Variants in DTNA observed in about 807,000 individuals in gnomAD.
DTNA encodes dystrophin-related protein 3.
DTNA carries 43 observed loss-of-function variants against 100.7 expected under a neutral mutation model. The observed-to-expected ratio is 0.43, with a 90% CI of 0.33 to 0.55. DTNA has a LOEUF of 0.55. Among genes scored for constraint, DTNA ranks in the 20% least tolerant of loss-of-function variants. The probability of loss-of-function intolerance (pLI) is 0.04; values close to 1 mark genes in which losing one functional copy is unlikely to be tolerated. For synonymous variants in DTNA, 349 were observed against 347.9 expected (o/e 1.00, Z -0.04); for missense variants, 798 against 953.9 (o/e 0.84, Z 2.15).
At chr18:34,812,342 A>G (rs761425854) in intron 6 of DTNA, among the ~76,000 whole-genome samples, 6 of 152,112 alleles carry the variant, frequency 3.9e-5, no homozygotes, top group African/African-American at 1.4e-4. Context: ...ACTGTGCTAA[A>G]TTTTTTCCTT....
At chr18:34,809,189 G>T (rs560607923) in intron 5 of DTNA, among the ~76,000 whole-genome samples, 2 of 152,308 alleles carry the variant, frequency 1.3e-5, no homozygotes, top group Admixed American at 1.3e-4. Context: ...GCGAATGTGG[G>T]CAAATTTACC....
At chr18:34,607,563 GACT>G (rs1041602315) in intron 1 of DTNA, among the ~76,000 whole-genome samples, 1 of 152,074 alleles carries the variant, frequency 6.6e-6, no homozygotes, top group Non-Finnish European at 1.5e-5. Flanking sequence ...ATAAAAAATG[GACT>G]ACATTTTATG....
At chr18:34,832,525 A>T (rs1454431924) in intron 11 of DTNA, among the ~76,000 whole-genome samples, 1 of 152,178 alleles carries the variant, frequency 6.6e-6, no homozygotes, top group East Asian at 1.9e-4. Context: ...AAACTTTCCT[A>T]GAGGCTCTCC....
At chr18:34,639,991 C>T (rs558549949) in intron 1 of DTNA, among the ~76,000 whole-genome samples, 2 of 152,138 alleles carry the variant, frequency 1.3e-5, no homozygotes, top group East Asian at 3.9e-4. Flanking sequence ...TTCGCCTAGC[C>T]CAGTGAATAC....
chr18:34,513,265 A>G (rs1170518328), intron 1 of DTNA, among the ~76,000 whole-genome samples: 3 of 152,140 alleles, frequency 2.0e-5, no homozygotes, highest in Admixed American at 2.0e-4. Flanking sequence ...ACAAGCAGAA[A>G]GCTTAATTAA....
At chr18:34,776,037 A>G (rs555412513) in intron 3 of DTNA, among the ~76,000 whole-genome samples, 48 of 152,350 alleles carry the variant, frequency 3.2e-4, no homozygotes, top group Non-Finnish European at 3.1e-4. Flanking sequence ...ACTGGGACAT[A>G]TACTTTGTAT....
At chr18:34,808,982 G>C (rs978030610) in intron 5 of DTNA, among the ~76,000 whole-genome samples, 1 of 152,200 alleles carries the variant, frequency 6.6e-6, no homozygotes, top group African/African-American at 2.4e-5. Flanking sequence ...TGACTGAGGA[G>C]TCACTCTTTG....
rs759851089 is a variant in DTNA, at chr18:34,756,101, G to A, written c.67+58G>A. 3.5e-5 allele frequency: 53 copies of A among 1,530,358 alleles called. 1 individual carries two copies. In the Middle Eastern group the frequency reaches 1.4e-3, roughly 39 times the overall value. The allele number at this position is 1,530,358 out of a possible 1,614,324, so 94.8% of individuals were successfully genotyped here. ...GTTTCCATTGAATACTCATGGAAAG[G>A]CTAGAAATAACCATTTATCTTTATG... On this transcript the variant is annotated intron_variant, in intron 2 of 22. Coordinates refer to ENST00000444659, the MANE Select transcript of DTNA (RefSeq NM_001386795.1).
intron 1 of DTNA, among the ~76,000 whole-genome samples, chr18:34,742,921 G>A (rs377757312): frequency 2.6e-4 from 39 of 151,926 alleles, no homozygotes; most frequent in East Asian, 1.2e-3. Flanking sequence ...CTGCCTCACC[G>A]GGACAATGCA....
intron 1 of DTNA, among the ~76,000 whole-genome samples, chr18:34,753,938 G>T (rs1040516555): frequency 6.6e-6 from 1 of 152,116 alleles, no homozygotes. Flanking sequence ...CTTTACCTGC[G>T]TATATGAAAT....
At chr18:34,529,997 AGATAT>A (rs1245045731) in intron 1 of DTNA, among the ~76,000 whole-genome samples, 1 of 152,182 alleles carries the variant, frequency 6.6e-6, no homozygotes, top group Non-Finnish European at 1.5e-5. Context: ...TTGAATACAT[AGATAT>A]GATAGTGTGT....
At chr18:34,508,803 C>G (rs2040749066) in intron 1 of DTNA, among the ~76,000 whole-genome samples, 1 of 152,148 alleles carries the variant, frequency 6.6e-6, no homozygotes, top group Non-Finnish European at 1.5e-5. Context: ...TCACATTTTA[C>G]TGTGTATAAT....
intron 5 of DTNA, 96 bp from the exon 6 acceptor site, chr18:34,811,863 T>A: frequency 7.1e-7 from 1 of 1,408,046 alleles, no homozygotes; most frequent in Non-Finnish European, 9.9e-7. Context: ...AAATGTTTAT[T>A]TTGCTACTTT....
intron 3 of DTNA, among the ~76,000 whole-genome samples, chr18:34,791,440 C>G (rs905717143): frequency 3.3e-5 from 5 of 152,106 alleles, no homozygotes; most frequent in African/African-American, 1.2e-4. Context: ...TGACTAGATC[C>G]AGAAGATTCA....
chr18:34,785,509 T>C lies in DTNA; in HGVS notation c.149-8528T>C, dbSNP rs531029593. On this transcript the variant is annotated intron_variant, in intron 3 of 22. Coordinates refer to ENST00000444659, the MANE Select transcript of DTNA (RefSeq NM_001386795.1). ...AAAATTTATATAGTACTTTATATTTTACTCTTTTCCCATGTACATTTTCAC... is the reference window on the plus strand; with the variant it reads ...AAAATTTATATAGTACTTTATATTTCACTCTTTTCCCATGTACATTTTCAC... Among the ~76,000 whole-genome samples, 12 of 152,354 alleles carry C rather than the reference T, an allele frequency of 7.9e-5. No individual in the cohort carries two copies. In the South Asian group the frequency reaches 2.5e-3, roughly 32 times the overall value.
chr18:34,632,006 T>A (rs889230410), intron 1 of DTNA, among the ~76,000 whole-genome samples: 9 of 152,204 alleles, frequency 5.9e-5, no homozygotes, highest in Non-Finnish European at 1.3e-4. Flanking sequence ...TTTTAAAAAA[T>A]TATTATCTTG....
chr18:34,827,804 C>T, intron 10 of DTNA, 128 bp downstream of exon 10: 1 of 955,118 alleles, frequency 1.0e-6, no homozygotes. Context: ...TGCAAATATC[C>T]ATTATAAGTT....
chr18:34,665,823 T>C (rs896810427), intron 1 of DTNA, among the ~76,000 whole-genome samples: 2 of 152,226 alleles, frequency 1.3e-5, no homozygotes, highest in African/African-American at 4.8e-5. Context: ...AGTCTATCAC[T>C]GTTGGACATT....
chr18:34,508,661 G>A (rs1026644923), intron 1 of DTNA, among the ~76,000 whole-genome samples: 3 of 152,270 alleles, frequency 2.0e-5, no homozygotes, highest in East Asian at 1.9e-4. Flanking sequence ...CAGTTTCATT[G>A]TATTTTAAGG....
Sources: gnomAD v4.1 joint callset for allele counts (sites outside exome capture counted in the v4.1 genomes callset) on GRCh38, gnomAD v4.1.1 for gene constraint, MANE v1.5 for transcripts, NCBI Gene and HGNC (gene_info 2026-07-23, HGNC 2026-07-21) for gene names.